GRK5: variants seen among roughly 807,000 people sequenced by gnomAD.
GRK5 encodes the protein g protein-coupled receptor kinase GRK5.
A neutral mutation model predicts 78.4 loss-of-function variants in GRK5; 40 were observed. The observed-to-expected ratio is 0.51, with a 90% CI of 0.40 to 0.66. The LOEUF (loss-of-function observed/expected upper bound fraction) is 0.66, where lower values mean the gene tolerates loss of function less well. Ranked by LOEUF, GRK5 falls within the 30% of genes least tolerant of loss-of-function variation. The pLI is 0.00. For missense variants in GRK5, 598 were observed against 759.9 expected (o/e 0.79, Z 2.50); for synonymous variants, 289 against 296.8 (o/e 0.97, Z 0.27).
At chr10:119,235,485 T>G (rs183400860) in intron 1 of GRK5, among the ~76,000 whole-genome samples, 1 of 152,316 alleles carries the variant, frequency 6.6e-6, no homozygotes, top group Admixed American at 6.5e-5. Context: ...GTTTGTGGGC[T>G]GGCTGGCTGT....
rs571619751 is a variant in GRK5 at position 119,390,397 on chromosome 10, A to G, written c.262-6298A>G. 7.4e-4 allele frequency among the ~76,000 whole-genome samples: 112 copies of G among 152,290 alleles called. No individual in the cohort carries two copies. In the Middle Eastern group the frequency reaches 0.01, roughly 14 times the overall value. The stretch of plus-strand genomic sequence containing the variant: ...CAGCAGAACTGCCCTTTATAAAACC[A>G]TCAGATCGGGCCAGGTGCAGTGGCT... On this transcript the variant is annotated intron_variant, in intron 3 of 15. Coordinates refer to ENST00000392870, the MANE Select transcript of GRK5 (RefSeq NM_005308.3).
chr10:119,358,068 G>C (rs1851294703), intron 2 of GRK5, among the ~76,000 whole-genome samples: 1 of 152,192 alleles, frequency 6.6e-6, no homozygotes. Context: ...GCCCGAAATG[G>C]CTTGGCCCCT....
At position 119,271,235 on chromosome 10, in the gene GRK5, G is replaced by A. The variant is rs760498093; in HGVS notation, c.53-55281G>A. On this transcript the variant is annotated intron_variant, in intron 1 of 15. Transcript: ENST00000392870. The surrounding 1 kb of genome is among the most constrained non-coding windows in gnomAD (Gnocchi z 4.1). ...CATCCTCCACGCCCTTTGGGCGCTG[G>A]TCATTCAGAGAGGCCCTCTCAGACA... 3.3e-5 allele frequency among the ~76,000 whole-genome samples: 5 copies of A among 152,294 alleles called. No homozygotes were observed. Among genetic ancestry groups the A allele is most frequent in the African/African-American group, 1.2e-4 (5 of 41,564 alleles).
At chr10:119,447,020 C>A (rs1853163799) in intron 12 of GRK5, among the ~76,000 whole-genome samples, 1 of 152,264 alleles carries the variant, frequency 6.6e-6, no homozygotes, top group African/African-American at 2.4e-5. Context: ...TAGACACCAA[C>A]TGCGTACAGC....
chr10:119,225,845 AT>A (rs1230077055), intron 1 of GRK5, among the ~76,000 whole-genome samples: 1 of 108,038 alleles, frequency 9.3e-6, no homozygotes, highest in Non-Finnish European at 1.9e-5. Context: ...TAATTTTTGT[AT>A]TTTTTTTTCT....
chr10:119,436,622 TC>T (rs1001329009), intron 8 of GRK5, 28 bp from the exon 9 acceptor site: 11 of 1,611,706 alleles, frequency 6.8e-6, no homozygotes, highest in Middle Eastern at 1.7e-4. Flanking sequence ...TGTCACAACC[TC>T]CCCATGGCAC....
intron 2 of GRK5, among the ~76,000 whole-genome samples, chr10:119,331,225 G>A (rs571940711): frequency 6.0e-4 from 92 of 152,334 alleles, no homozygotes; most frequent in African/African-American, 2.1e-3. Flanking sequence ...TGTGAGGAAC[G>A]TGCGTGCTGG....
At chr10:119,411,533 G>T (rs184201206) in intron 4 of GRK5, among the ~76,000 whole-genome samples, 1 of 152,290 alleles carries the variant, frequency 6.6e-6, no homozygotes, top group Non-Finnish European at 1.5e-5. Flanking sequence ...TTTCTTTGAG[G>T]GGGGACTGAA....
chr10:119,392,954 AAGCTTTCTCCCACC>A (rs1851910495), intron 3 of GRK5, among the ~76,000 whole-genome samples: 1 of 152,228 alleles, frequency 6.6e-6, no homozygotes, highest in Non-Finnish European at 1.5e-5. Flanking sequence ...AAGCTGGTTT[AAGCTTTCTCCCACC>A]AGCTGGGCAA....
chr10:119,236,194 T>G (rs1848922346), intron 1 of GRK5, among the ~76,000 whole-genome samples: 1 of 152,028 alleles, frequency 6.6e-6, no homozygotes, highest in Admixed American at 6.6e-5. Context: ...GCCCAGAGGT[T>G]GCAAACTGAC....
Position 119,458,474 on chromosome 10 carries a change from C to T in GRK5, c.*3407C>T, listed in dbSNP as rs1429991769. ...GGCTGCTCGCTGCTGCTGTGGCCTG[C>T]GCAGCCACGGGAGGCTTCCTGAAAG... On this transcript the variant is annotated 3_prime_UTR_variant, in exon 16 of 16. Transcript: ENST00000392870. The T allele has an allele frequency of 1.3e-5, 2 of 152,180 alleles. No homozygotes were observed. The highest frequency in any genetic ancestry group is 2.9e-5 in the Non-Finnish European group (2 of 68,056). The allele number at this position is 152,180 out of a possible 1,614,324, so 9.4% of individuals were successfully genotyped here.
chr10:119,380,965 C>T (rs750618043), intron 3 of GRK5, 38 bp downstream of exon 3: 1 of 1,246,422 alleles, frequency 8.0e-7, no homozygotes, highest in Non-Finnish European at 1.2e-6. Context: ...CTGTGGTCCT[C>T]TGTGATCAGT....
chr10:119,394,096 T>TA (rs1431642023), intron 3 of GRK5, among the ~76,000 whole-genome samples: 1 of 106,728 alleles, frequency 9.4e-6, no homozygotes, highest in South Asian at 3.7e-4. Context: ...TATCTGTGTG[T>TA]GTCTGCGTCT....
At chr10:119,397,240 T>C (rs1852070234) in intron 4 of GRK5, among the ~76,000 whole-genome samples, 1 of 152,182 alleles carries the variant, frequency 6.6e-6, no homozygotes, top group Non-Finnish European at 1.5e-5. Flanking sequence ...TTCTGGAGTA[T>C]TCTGAAGGGT....
At chr10:119,409,195 C>T (rs559186508) in intron 4 of GRK5, among the ~76,000 whole-genome samples, 2 of 152,366 alleles carry the variant, frequency 1.3e-5, no homozygotes, top group Admixed American at 6.5e-5. Context: ...CAGTCTCCTG[C>T]GCGGCATATT....
intron 2 of GRK5, among the ~76,000 whole-genome samples, chr10:119,366,950 C>G (rs1021898526): frequency 1.3e-5 from 2 of 152,228 alleles, no homozygotes; most frequent in Non-Finnish European, 2.9e-5. Flanking sequence ...TTCTCAGTGT[C>G]TCGATTTTAG....
At chr10:119,301,063 C>G (rs1431843664) in intron 1 of GRK5, among the ~76,000 whole-genome samples, 2 of 151,912 alleles carry the variant, frequency 1.3e-5, no homozygotes, top group Non-Finnish European at 2.9e-5. Flanking sequence ...GAGATCGTGC[C>G]ACTGCACTCC....
chr10:119,427,590 GCAT>G (rs1852721371), intron 6 of GRK5, among the ~76,000 whole-genome samples: 1 of 151,600 alleles, frequency 6.6e-6, no homozygotes, highest in Admixed American at 6.6e-5. Context: ...ACCATCATCA[GCAT>G]CATCACCATC....
At chr10:119,231,363 T>G (rs1848826242) in intron 1 of GRK5, among the ~76,000 whole-genome samples, 1 of 151,594 alleles carries the variant, frequency 6.6e-6, no homozygotes, top group Non-Finnish European at 1.5e-5. Flanking sequence ...AATTAAAAAA[T>G]TAAAAAACAT....
Sources: gnomAD v4.1 joint callset for allele counts (sites outside exome capture counted in the v4.1 genomes callset) on GRCh38, gnomAD v4.1.1 for gene constraint, Gnocchi (gnomAD v3.1) non-coding constraint, MANE v1.5 for transcripts, NCBI Gene and HGNC (gene_info 2026-07-23, HGNC 2026-07-21) for gene names.